XCR1: variants seen among roughly 807,000 people sequenced by gnomAD.
The protein encoded by XCR1 is chemokine XC receptor 1.
For missense variants in XCR1, 356 were observed against 424.2 expected, an observed-to-expected ratio of 0.84 and a Z score of 1.41; for synonymous variants, 187 against 188.5, an observed-to-expected ratio of 0.99 and a Z score of 0.06.
chr3:46,077,653 T>C (rs1419223360), intron 1 of XCR1, among the ~76,000 whole-genome samples: 4 of 152,184 alleles, frequency 2.6e-5, no homozygotes, highest in African/African-American at 4.8e-5. Flanking sequence ...TGGGGACCAC[T>C]GCTGTAGCTC....
upstream of XCR1, among the ~76,000 whole-genome samples, chr3:46,028,102 T>C (rs1454560030): frequency 2.6e-5 from 4 of 152,178 alleles, no homozygotes; most frequent in Non-Finnish European, 4.4e-5. Flanking sequence ...GCAACCCTCT[T>C]TTGGGTCCCC....
chr3:46,068,673 G>C (rs1478657311), intron 3 of XCR1, among the ~76,000 whole-genome samples: 1 of 152,094 alleles, frequency 6.6e-6, no homozygotes, highest in African/African-American at 2.4e-5. Context: ...TTCCTAAACA[G>C]CTTCCTTTTC....
At chr3:46,069,705 AG>A (rs1301177713) in intron 3 of XCR1, among the ~76,000 whole-genome samples, 2 of 152,184 alleles carry the variant, frequency 1.3e-5, no homozygotes, top group African/African-American at 2.4e-5. Context: ...TCTCTTGGTA[AG>A]TCTAGCTAGC....
chr3:46,021,708 G>C lies in XCR1; in HGVS notation c.240C>G (p.Phe80Leu). 6.2e-7 allele frequency: 1 copy of C among 1,614,062 alleles called. No homozygotes were observed. Among genetic ancestry groups the C allele is most frequent in the Non-Finnish European group, 8.5e-7 (1 of 1,180,008 alleles). The change falls in exon 2 of 2, where the codon TTC (phenylalanine) becomes TTG (leucine). Residue 80 changes from phenylalanine to leucine, a missense_variant. Physicochemically the swap from Phe to Leu is conservative, Grantham distance 22. Transcript: ENST00000309285. This position sits in a 1 kb window ranked among gnomAD's most constrained non-coding sequence, Gnocchi z 4.7. ...ILNLCLSDLV[F>L]ACLLPVWISP... The stretch of plus-strand genomic sequence containing the variant: ...AGATCCACACAGGCAACAAGCAGGC[G>C]AACACCAGGTCTGAGAGGCACAGGT...
intron 4 of XCR1, among the ~76,000 whole-genome samples, chr3:46,056,567 G>A (rs1697855526): frequency 6.6e-6 from 1 of 152,024 alleles, no homozygotes; most frequent in South Asian, 2.1e-4. Context: ...TCAACCTCCT[G>A]GACTCAAGCA....
chr3:46,033,184 A>C (rs1043315271), intron 5 of XCR1, among the ~76,000 whole-genome samples: 1 of 152,114 alleles, frequency 6.6e-6, no homozygotes, highest in African/African-American at 2.4e-5. Context: ...AAAACTCCTC[A>C]GTTTGGGGTC....
At chr3:46,081,646 T>G (rs1324282427) in intron 1 of XCR1, among the ~76,000 whole-genome samples, 1 of 152,192 alleles carries the variant, frequency 6.6e-6, no homozygotes, top group Admixed American at 6.5e-5. Context: ...TTTTGCCCTT[T>G]GTGAATTTCC....
intron 3 of XCR1, among the ~76,000 whole-genome samples, chr3:46,070,976 A>C (rs1202601659): frequency 6.6e-6 from 1 of 152,034 alleles, no homozygotes; most frequent in African/African-American, 2.4e-5. Flanking sequence ...ATGTGGTTTT[A>C]TGATGGTGAA....
intron 4 of XCR1, among the ~76,000 whole-genome samples, chr3:46,066,337 CG>C (rs1313304563): frequency 6.6e-6 from 1 of 152,130 alleles, no homozygotes; most frequent in Non-Finnish European, 1.5e-5. Flanking sequence ...CTCCACCTCC[CG>C]GGTTCAAGCG....
chr3:46,026,838 T>C (rs1402157106), intron 1 of XCR1, among the ~76,000 whole-genome samples: 1 of 151,924 alleles, frequency 6.6e-6, no homozygotes, highest in East Asian at 1.9e-4. Flanking sequence ...TGCCTTGGCC[T>C]CCCAAAGTGC....
chr3:46,022,022 G>C, intron 1 of XCR1, 44 bp from the exon 2 acceptor site: 1 of 1,502,512 alleles, frequency 6.7e-7, no homozygotes, highest in Non-Finnish European at 9.0e-7. Flanking sequence ...GTGGTGGCTG[G>C]GTACAGTGGC....
At chr3:46,071,766 A>G (rs909294923) in intron 3 of XCR1, among the ~76,000 whole-genome samples, 27 of 152,340 alleles carry the variant, frequency 1.8e-4, no homozygotes, top group African/African-American at 5.8e-4. Flanking sequence ...GCATCACCTC[A>G]TGATAAAAAC....
intron 5 of XCR1, among the ~76,000 whole-genome samples, chr3:46,042,803 A>G (rs983637873): frequency 6.6e-6 from 1 of 152,232 alleles, no homozygotes; most frequent in African/African-American, 2.4e-5. Flanking sequence ...AGAGAAGGGA[A>G]CAGTTCTTAA....
chr3:46,049,464 G>C (rs189617170), intron 5 of XCR1, among the ~76,000 whole-genome samples: 2 of 152,270 alleles, frequency 1.3e-5, no homozygotes, highest in African/African-American at 4.8e-5. Flanking sequence ...ATGAAAAGAA[G>C]CTGCATGAGA....
chr3:46,058,822 C>A (rs548861752), intron 4 of XCR1, among the ~76,000 whole-genome samples: 24 of 152,256 alleles, frequency 1.6e-4, no homozygotes, highest in Non-Finnish European at 2.6e-4. Context: ...ACCTTGGCCT[C>A]CCAAAGTGCT....
chr3:46,082,120 T>C (rs757938627), intron 1 of XCR1, among the ~76,000 whole-genome samples: 12 of 152,212 alleles, frequency 7.9e-5, no homozygotes, highest in Non-Finnish European at 1.5e-4. Context: ...TGAGGGGACG[T>C]CTTTCATCAT....
intron 5 of XCR1, among the ~76,000 whole-genome samples, chr3:46,041,873 TTA>T (rs1697542461): frequency 6.6e-6 from 1 of 152,206 alleles, no homozygotes; most frequent in South Asian, 2.1e-4. Context: ...TTGTACATTG[TTA>T]TATGTCTTCC....
intron 4 of XCR1, among the ~76,000 whole-genome samples, chr3:46,057,690 A>G (rs887718684): frequency 1.3e-5 from 2 of 152,154 alleles, no homozygotes; most frequent in African/African-American, 4.8e-5. Context: ...AAAGGCGTGA[A>G]TGCAGAACTG....
chr3:46,084,198 C>T (rs1698429864), intron 1 of XCR1, among the ~76,000 whole-genome samples: 2 of 152,260 alleles, frequency 1.3e-5, no homozygotes, highest in East Asian at 1.9e-4. Flanking sequence ...TCTCCACTCC[C>T]CCATGTGGGA....
Sources: allele counts gnomAD v4.1 joint callset (sites outside exome capture counted in the v4.1 genomes callset), GRCh38; gene constraint gnomAD v4.1.1; non-coding constraint Gnocchi (gnomAD v3.1); transcripts MANE v1.5; gene names NCBI Gene and HGNC (gene_info 2026-07-23, HGNC 2026-07-21).